ABCC4: variants seen among roughly 807,000 people sequenced by gnomAD.
ABCC4 encodes ATP binding cassette subfamily C member 4 (PEL blood group).
ABCC4 carries 102 observed loss-of-function variants against 168.5 expected under a neutral mutation model. That is an observed-to-expected ratio of 0.61 (90% confidence interval 0.52 to 0.71). The LOEUF (loss-of-function observed/expected upper bound fraction) is 0.71, where lower values mean the gene tolerates loss of function less well. Ranked by LOEUF, ABCC4 falls within the 30% of genes least tolerant of loss-of-function variation. ABCC4 has a pLI of 0.00. For missense variants in ABCC4, 1,402 were observed against 1,605.8 expected (o/e 0.87, Z 2.17); for synonymous variants, 617 against 590.7 (o/e 1.04, Z -0.65).
intron 19 of ABCC4, among the ~76,000 whole-genome samples, chr13:95,144,072 C>T (rs372406970): frequency 1.3e-5 from 2 of 152,188 alleles, no homozygotes; most frequent in South Asian, 4.1e-4. Flanking sequence ...CACATTCAGA[C>T]AGATAAACGC....
intron 3 of ABCC4, among the ~76,000 whole-genome samples, chr13:95,238,086 T>C (rs1040476364): frequency 6.8e-6 from 1 of 147,782 alleles, no homozygotes; most frequent in Admixed American, 6.9e-5. Context: ...TCCCAGCTAC[T>C]GGGGAGGCTG....
At chr13:95,283,269 T>A (rs2041173210) in intron 1 of ABCC4, among the ~76,000 whole-genome samples, 1 of 148,662 alleles carries the variant, frequency 6.7e-6, no homozygotes, top group Non-Finnish European at 1.5e-5. Context: ...GTCTCAAACA[T>A]CAGCATGCAT....
chr13:95,060,701 C>CT lies in ABCC4; in HGVS notation c.3366+2002dup, dbSNP rs1320898126. ...TTCCCATTTTATCCTGAAAGGGATA[C>CT]TTTTTTTTCTTTAAACTAAAAATAA... is the stretch of plus-strand genomic sequence containing the variant. On this transcript the variant is annotated intron_variant, in intron 26 of 30. Transcript: ENST00000645237. Among the ~76,000 whole-genome samples the CT allele has an allele frequency of 1.2e-4, 18 of 152,238 alleles. No individual in the cohort carries two copies. In the East Asian group the frequency reaches 2.3e-3, roughly 20 times the overall value.
intron 30 of ABCC4, among the ~76,000 whole-genome samples, chr13:95,030,626 A>T (rs956206204): frequency 6.6e-6 from 1 of 152,178 alleles, no homozygotes; most frequent in Non-Finnish European, 1.5e-5. Context: ...GGTGATCAGG[A>T]CACAGACATA....
intron 26 of ABCC4, 94 bp downstream of exon 26, chr13:95,062,610 C>T (rs2033342138): frequency 7.5e-6 from 9 of 1,200,838 alleles, no homozygotes; most frequent in Non-Finnish European, 1.0e-5. Flanking sequence ...AAAAACAATC[C>T]TTTCATCCAA....
intron 20 of ABCC4, among the ~76,000 whole-genome samples, chr13:95,103,513 G>A (rs1229411191): frequency 3.9e-5 from 6 of 152,112 alleles, no homozygotes; most frequent in African/African-American, 9.7e-5. Context: ...AAGCATTCAC[G>A]GAGGTGTGCA....
chr13:95,218,921 A>AAGAGAG (rs1289387063), intron 4 of ABCC4, among the ~76,000 whole-genome samples: 1 of 24,734 alleles, frequency 4.0e-5, no homozygotes, highest in Non-Finnish European at 9.6e-5. Flanking sequence ...GAGAGAGAGA[A>AAGAGAG]AGAAAGAGAA....
chr13:95,037,084 CAAAAAAAAAA>C lies in ABCC4; in HGVS notation c.3736-2355_3736-2346del, dbSNP rs57294033. ...GGGCAACAGAGTGAGACTCTGTGTCCAAAAAAAAAAAAAAAAAACCCCAAAATCCCAAATA... is the reference window on the plus strand; with the variant it reads ...GGGCAACAGAGTGAGACTCTGTGTCCAAAAAAAACCCCAAAATCCCAAATA... On this transcript the variant is annotated intron_variant, in intron 29 of 30. Transcript: ENST00000645237. Among the ~76,000 whole-genome samples, 201 of 105,868 alleles carry C rather than the reference CAAAAAAAAAA, an allele frequency of 1.9e-3. 1 individual carries two copies. Among genetic ancestry groups the C allele is most frequent in the African/African-American group, 7.3e-3 (189 of 25,954 alleles). 69.5% of individuals were successfully genotyped at this position (105,868 alleles called of 152,430 possible).
intron 1 of ABCC4, among the ~76,000 whole-genome samples, chr13:95,294,229 G>A (rs144072082): frequency 5.9e-5 from 9 of 152,092 alleles, no homozygotes; most frequent in African/African-American, 2.2e-4. Context: ...GCGTGGTTTT[G>A]AGCTCCTGTA....
intron 10 of ABCC4, 31 bp from the exon 11 acceptor site, chr13:95,186,923 A>C (rs753724628): frequency 6.3e-7 from 1 of 1,576,872 alleles, no homozygotes; most frequent in East Asian, 2.3e-5. Flanking sequence ...GCACATGTTC[A>C]GTCAACACTC....
Position 95,177,734 on chromosome 13 carries a change from G to T in ABCC4, c.1700C>A (p.Ala567Glu). The T allele has an allele frequency of 3.7e-6, 6 of 1,610,528 alleles. No homozygotes were observed. The highest frequency in any genetic ancestry group is 1.1e-5 in the South Asian group (1 of 90,918). ...LLDDPLSAVD[A>E]EVSRHLFELC... is the part of the protein sequence containing the mutation. ...TTCGAACAAGTGTCTGCTAACTTCC[G>T]CATCTACTGCACTGAGAGGATCGTC... The change falls in exon 13 of 31, where the codon GCG becomes GAG. Residue 567 changes from alanine to glutamate, a missense_variant. This residue lies in a region of ABCC4 where 1,007 missense variants were observed against 1,127.3 expected (regional missense o/e 0.89). Transcript: ENST00000645237.
chr13:95,082,093 A>C (rs1379246710), intron 21 of ABCC4, among the ~76,000 whole-genome samples: 2 of 152,214 alleles, frequency 1.3e-5, no homozygotes, highest in Non-Finnish European at 2.9e-5. Context: ...ACTTCTATTT[A>C]CCACTCAGTA....
intron 28 of ABCC4, 138 bp downstream of exon 28, chr13:95,044,128 C>A: frequency 1.1e-6 from 1 of 934,042 alleles, no homozygotes; most frequent in Non-Finnish European, 1.5e-6. Context: ...CTTTTTTTTT[C>A]AGAATGAATT....
chr13:95,076,194 G>C (rs1156870702), intron 21 of ABCC4, among the ~76,000 whole-genome samples: 1 of 152,186 alleles, frequency 6.6e-6, no homozygotes, highest in East Asian at 1.9e-4. Flanking sequence ...CAATGCCCTT[G>C]TGCCGTGCCC....
At chr13:95,035,232 G>A (rs1420202548) in intron 29 of ABCC4, among the ~76,000 whole-genome samples, 1 of 152,180 alleles carries the variant, frequency 6.6e-6, no homozygotes, top group Admixed American at 6.5e-5. Context: ...TCTAAGCAAT[G>A]GAAAAGAAGT....
chr13:95,108,900 T>G (rs1370221277), intron 20 of ABCC4, among the ~76,000 whole-genome samples: 1 of 152,142 alleles, frequency 6.6e-6, no homozygotes, highest in Non-Finnish European at 1.5e-5. Context: ...CATATCTTCT[T>G]TGCACGGCTG....
chr13:95,221,844 G>A (rs1184692664), intron 4 of ABCC4, among the ~76,000 whole-genome samples: 1 of 152,032 alleles, frequency 6.6e-6, no homozygotes. Context: ...TATAAGTCCT[G>A]GGGAAAGGAA....
chr13:95,256,952 C>A (rs933336489), intron 1 of ABCC4, among the ~76,000 whole-genome samples: 1 of 152,136 alleles, frequency 6.6e-6, no homozygotes, highest in South Asian at 2.1e-4. Flanking sequence ...GCATCTGAAG[C>A]TACTCATTTA....
chr13:95,077,846 G>C (rs2033958619), intron 21 of ABCC4, among the ~76,000 whole-genome samples: 1 of 152,148 alleles, frequency 6.6e-6, no homozygotes, highest in Admixed American at 6.6e-5. Context: ...CTGCACATTT[G>C]GGGGTGCTGG....
Sources: gnomAD v4.1 joint callset for allele counts (sites outside exome capture counted in the v4.1 genomes callset) on GRCh38, gnomAD v4.1.1 for gene constraint, gnomAD v4.1.1 regional missense constraint, MANE v1.5 for transcripts, NCBI Gene and HGNC (gene_info 2026-07-23, HGNC 2026-07-21) for gene names.